ADH7: variants seen among roughly 807,000 people sequenced by gnomAD.
ADH7 encodes all-trans-retinol dehydrogenase [NAD(+)] ADH7.
ADH7 carries 41 observed loss-of-function variants against 34.4 expected under a neutral mutation model. The observed-to-expected ratio is 1.19, with a 90% CI of 0.93 to 1.55. ADH7 has a LOEUF of 1.55. ADH7 is among the 40% of genes most tolerant of loss of function. The probability of loss-of-function intolerance (pLI) is 0.00; values close to 1 mark genes in which losing one functional copy is unlikely to be tolerated. For synonymous variants in ADH7, 180 were observed against 160.9 expected, an observed-to-expected ratio of 1.12 and a Z score of -0.90; for missense variants, 540 against 461.2, an observed-to-expected ratio of 1.17 and a Z score of -1.56.
At chr4:99,424,266 G>T (rs2110137205) in intron 5 of ADH7, among the ~76,000 whole-genome samples, 1 of 152,326 alleles carries the variant, frequency 6.6e-6, no homozygotes. Flanking sequence ...GTACCATGCT[G>T]TTTTTGTTAC....
intron 6 of ADH7, 137 bp from the exon 7 acceptor site, chr4:99,419,258 T>A (rs1456919837): frequency 2.8e-6 from 3 of 1,088,322 alleles, no homozygotes; most frequent in Non-Finnish European, 1.3e-6. Context: ...TTTAAAAAAA[T>A]TTCAGTGCAA....
Position 99,428,632 on chromosome 4 carries a change from T to A in ADH7, c.121-2A>T. ...GCGACAGATTCCTGTGGCCAAAATC[T>A]GTGTTCAAAGACAAAAACATTGCAC... On this transcript the variant is annotated splice_acceptor_variant, in intron 2 of 8. Transcript: ENST00000437033. LOFTEE classifies it high-confidence loss of function. The A allele has an allele frequency of 6.2e-7, 1 of 1,611,110 alleles. No homozygotes were observed. Among genetic ancestry groups the A allele is most frequent in the South Asian group, 1.1e-5 (1 of 90,204 alleles).
intron 6 of ADH7, among the ~76,000 whole-genome samples, chr4:99,419,493 T>G (rs1162109446): frequency 1.3e-5 from 2 of 152,168 alleles, no homozygotes; most frequent in African/African-American, 2.4e-5. Context: ...GTAGTTTTTT[T>G]TTTAAGTTTA....
chr4:99,428,805 C>G (rs1283567868), intron 2 of ADH7, among the ~76,000 whole-genome samples, 175 bp from the exon 3 acceptor site: 6 of 152,224 alleles, frequency 3.9e-5, no homozygotes, highest in African/African-American at 1.4e-4. Flanking sequence ...CAAGATCCCT[C>G]TCTGACGGAA....
intron 5 of ADH7, 51 bp downstream of exon 5, chr4:99,427,722 A>G: frequency 7.7e-7 from 1 of 1,297,818 alleles, no homozygotes; most frequent in East Asian, 2.6e-5. Context: ...CAAGCAAATC[A>G]TTTAAGAAAA....
At chr4:99,418,821 G>A (rs1173324312) in intron 7 of ADH7, among the ~76,000 whole-genome samples, 165 bp downstream of exon 7, 4 of 152,138 alleles carry the variant, frequency 2.6e-5, no homozygotes, top group Admixed American at 2.0e-4. Context: ...CTACATCAAG[G>A]TGAGGAGTGG....
Position 99,435,342 on chromosome 4 carries a change from T to G in ADH7, c.-109A>C. 1.5e-5 allele frequency: 22 copies of G among 1,483,338 alleles called. No homozygotes were observed. The highest frequency in any genetic ancestry group is 2.0e-5 in the Non-Finnish European group (22 of 1,073,698). 91.9% of individuals were successfully genotyped at this position (1,483,338 alleles called of 1,614,324 possible). On this transcript the variant is annotated 5_prime_UTR_variant, in exon 1 of 9. Coordinates refer to ENST00000437033, the MANE Select transcript of ADH7 (RefSeq NM_000673.7). The stretch of plus-strand genomic sequence containing the variant: ...AGCTTGTGCCTTCACATAGATAGTC[T>G]GGCTTCAGAGTTCCACCTTCAGCAA...
In ADH7 at chr4:99,426,879, C is replaced by T. The variant is rs531315443; in HGVS notation, c.564+894G>A. ...TATCCACCATGATCAAATGGGCTTT[C>T]ATACCTGCGATGCAAGGCTGGTTCA... On this transcript the variant is annotated intron_variant, in intron 5 of 8. Transcript: ENST00000437033. 1.6e-4 allele frequency among the ~76,000 whole-genome samples: 24 copies of T among 152,284 alleles called. No individual in the cohort carries two copies. In the South Asian group the frequency reaches 3.7e-3, roughly 24 times the overall value.
intron 1 of ADH7, chr4:99,432,818 T>A (rs1168897794): frequency 1.3e-5 from 2 of 152,192 alleles, no homozygotes; most frequent in Admixed American, 1.3e-4. Flanking sequence ...GATACAATTC[T>A]GTGCCTATCA....
intron 8 of ADH7, among the ~76,000 whole-genome samples, chr4:99,414,336 TA>T (rs1260312586): frequency 6.6e-6 from 1 of 152,068 alleles, no homozygotes; most frequent in Non-Finnish European, 1.5e-5. Flanking sequence ...AAAAAATTAG[TA>T]AAAATTTGGA....
chr4:99,412,552 T>G lies in ADH7; in HGVS notation c.*596A>C, dbSNP rs975470931. The G allele has an allele frequency of 3.9e-5, 6 of 152,110 alleles. No individual in the cohort carries two copies. Among genetic ancestry groups the G allele is most frequent in the African/African-American group, 1.4e-4 (6 of 41,438 alleles). The allele number at this position is 152,110 out of a possible 1,614,324, so 9.4% of individuals were successfully genotyped here. On this transcript the variant is annotated 3_prime_UTR_variant, in exon 9 of 9. Coordinates refer to ENST00000437033, the MANE Select transcript of ADH7 (RefSeq NM_000673.7). ...GCCTTGTGTACCCATATGATATACT[T>G]TTTCAGTTTCACCAAGTTATGTAAT... is the stretch of plus-strand genomic sequence containing the variant.
intron 7 of ADH7, among the ~76,000 whole-genome samples, chr4:99,417,521 A>T (rs1244401000): frequency 6.6e-6 from 1 of 152,108 alleles, no homozygotes. Context: ...CCTCCACCCC[A>T]GTCCTCTGGC....
At chr4:99,433,511 G>T (rs1237308043) in intron 1 of ADH7, among the ~76,000 whole-genome samples, 2 of 152,100 alleles carry the variant, frequency 1.3e-5, no homozygotes, top group African/African-American at 2.4e-5. Context: ...GGTATGGGAT[G>T]AATTGTGTCT....
chr4:99,423,125 G>A (rs1721707234), intron 5 of ADH7, among the ~76,000 whole-genome samples: 1 of 149,022 alleles, frequency 6.7e-6, no homozygotes, highest in Admixed American at 6.7e-5. Flanking sequence ...AGAACATGCG[G>A]TGTTTGTTTT....
intron 7 of ADH7, among the ~76,000 whole-genome samples, chr4:99,418,231 T>A (rs1200694859): frequency 6.6e-6 from 1 of 152,216 alleles, no homozygotes; most frequent in Non-Finnish European, 1.5e-5. Context: ...TTCTTTTATA[T>A]TTGTTTTTGT....
intron 5 of ADH7, among the ~76,000 whole-genome samples, chr4:99,421,552 A>G (rs964642746): frequency 6.6e-6 from 1 of 152,242 alleles, no homozygotes; most frequent in Non-Finnish European, 1.5e-5. Flanking sequence ...AAAACCCTAG[A>G]AGAAAACCTA....
At chr4:99,433,651 C>T (rs566265647) in intron 1 of ADH7, among the ~76,000 whole-genome samples, 1 of 152,216 alleles carries the variant, frequency 6.6e-6, no homozygotes, top group East Asian at 1.9e-4. Context: ...TCCAATATGG[C>T]TGGTGTCTTT....
chr4:99,423,292 A>G (rs1368420620), intron 5 of ADH7, among the ~76,000 whole-genome samples: 21 of 148,174 alleles, frequency 1.4e-4, no homozygotes, highest in African/African-American at 3.7e-4. Context: ...GGACATTTGG[A>G]TTGGTTCCAA....
At chr4:99,425,277 C>T (rs1721772962) in intron 5 of ADH7, among the ~76,000 whole-genome samples, 1 of 152,060 alleles carries the variant, frequency 6.6e-6, no homozygotes, top group Non-Finnish European at 1.5e-5. Flanking sequence ...ATTCGATAAA[C>T]AGTCGAGACC....
Sources: gnomAD v4.1 joint callset for allele counts (sites outside exome capture counted in the v4.1 genomes callset) on GRCh38, gnomAD v4.1.1 for gene constraint, MANE v1.5 for transcripts, NCBI Gene and HGNC (gene_info 2026-07-23, HGNC 2026-07-21) for gene names.